Variants in ADK observed in about 807,000 individuals in gnomAD.
The protein encoded by ADK is adenosine kinase, also known as N6,N6-dimethyladenosine kinase.
Under a neutral mutation model 44.7 loss-of-function variants are expected in ADK, and 24 were observed. That is an observed-to-expected ratio of 0.54 (90% CI 0.39 to 0.76). ADK has a LOEUF of 0.76. ADK is among the 30% of genes least tolerant of loss of function. The pLI is 0.00. For synonymous variants in ADK, 128 were observed against 142.6 expected (o/e 0.90, Z 0.73); for missense variants, 321 against 425.1 (o/e 0.76, Z 2.15).
At chr10:74,220,425 G>A (rs1450631262) in intron 2 of ADK, among the ~76,000 whole-genome samples, 9 of 151,962 alleles carry the variant, frequency 5.9e-5, no homozygotes, top group African/African-American at 9.7e-5. Context: ...ATTCACAGCC[G>A]AATTCTACCA....
At chr10:74,325,020 A>G (rs1001204781) in intron 4 of ADK, among the ~76,000 whole-genome samples, 1 of 152,034 alleles carries the variant, frequency 6.6e-6, no homozygotes, top group African/African-American at 2.4e-5. Flanking sequence ...TTTTTTTTCT[A>G]TTTCTATGAA....
At chr10:74,445,776 G>A (rs1845569170) in intron 6 of ADK, among the ~76,000 whole-genome samples, 1 of 152,096 alleles carries the variant, frequency 6.6e-6, no homozygotes, top group East Asian at 1.9e-4. Flanking sequence ...GCAAGTAATT[G>A]TTTACTGAGA....
chr10:74,522,697 T>G (rs1211396571), intron 6 of ADK, among the ~76,000 whole-genome samples: 1 of 152,170 alleles, frequency 6.6e-6, no homozygotes, highest in Admixed American at 6.5e-5. Context: ...GGTCCCTCAG[T>G]TATAAGTGAA....
chr10:74,243,660 C>T (rs978630711), intron 3 of ADK, among the ~76,000 whole-genome samples: 1 of 152,056 alleles, frequency 6.6e-6, no homozygotes, highest in Non-Finnish European at 1.5e-5. Context: ...GCCAGGAGTT[C>T]GAGACCAGCC....
At chr10:74,307,110 A>G (rs937977893) in intron 3 of ADK, among the ~76,000 whole-genome samples, 1 of 151,946 alleles carries the variant, frequency 6.6e-6, no homozygotes, top group African/African-American at 2.4e-5. Context: ...CCCAAACCCC[A>G]GTGGAAATGT....
chr10:74,319,266 A>G (rs1333751048), intron 4 of ADK, among the ~76,000 whole-genome samples: 1 of 152,226 alleles, frequency 6.6e-6, no homozygotes. Context: ...TAGCAATTTC[A>G]GAGACTAGGT....
intron 3 of ADK, among the ~76,000 whole-genome samples, chr10:74,296,796 A>G (rs1489237130): frequency 6.6e-6 from 1 of 151,728 alleles, no homozygotes; most frequent in Non-Finnish European, 1.5e-5. Context: ...TTGTATTTTT[A>G]GTAGAGACGG....
intron 4 of ADK, among the ~76,000 whole-genome samples, chr10:74,345,507 T>A (rs1841735474): frequency 6.6e-6 from 1 of 152,098 alleles, no homozygotes; most frequent in South Asian, 2.1e-4. Context: ...GAGGTCTCAC[T>A]GTATTGTCCA....
intron 8 of ADK, among the ~76,000 whole-genome samples, chr10:74,589,666 G>A (rs765832750): frequency 6.6e-6 from 1 of 152,082 alleles, no homozygotes; most frequent in Non-Finnish European, 1.5e-5. Flanking sequence ...CATTTCATAA[G>A]GATTCACTGC....
At chr10:74,283,387 G>A (rs1366255167) in intron 3 of ADK, among the ~76,000 whole-genome samples, 43 of 150,976 alleles carry the variant, frequency 2.8e-4, no homozygotes, top group Non-Finnish European at 6.0e-4. Context: ...TGGCATGCTC[G>A]GTTATTTCAG....
At chr10:74,411,862 A>G (rs1844189282) in intron 6 of ADK, among the ~76,000 whole-genome samples, 1 of 152,220 alleles carries the variant, frequency 6.6e-6, no homozygotes, top group African/African-American at 2.4e-5. Flanking sequence ...ATGTTTATGC[A>G]GTATTCTGAA....
intron 10 of ADK, among the ~76,000 whole-genome samples, chr10:74,695,953 C>A (rs12356350): frequency 6.6e-6 from 1 of 151,768 alleles, no homozygotes; most frequent in East Asian, 1.9e-4. Flanking sequence ...CTTTACAATT[C>A]TTAAATTTTT....
At chr10:74,538,602 G>T (rs1949896603) in intron 7 of ADK, among the ~76,000 whole-genome samples, 1 of 152,110 alleles carries the variant, frequency 6.6e-6, no homozygotes, top group South Asian at 2.1e-4. Context: ...CATTTTGAAA[G>T]AAAATATAAA....
chr10:74,703,227 A>G (rs1468610021), intron 10 of ADK, among the ~76,000 whole-genome samples: 3 of 152,198 alleles, frequency 2.0e-5, no homozygotes, highest in Admixed American at 1.3e-4. Context: ...CACACCTGTA[A>G]TCCCAGCACT....
intron 2 of ADK, among the ~76,000 whole-genome samples, chr10:74,211,209 A>G (rs1369658367): frequency 6.6e-6 from 1 of 152,052 alleles, no homozygotes; most frequent in Non-Finnish European, 1.5e-5. Context: ...TTATAAAGCT[A>G]TTGCCATATT....
At chr10:74,692,004 C>T (rs192071984) in intron 10 of ADK, among the ~76,000 whole-genome samples, 62 of 152,270 alleles carry the variant, frequency 4.1e-4, no homozygotes, top group African/African-American at 1.3e-3. Context: ...TATGATCTAG[C>T]GATCAGGCTC....
chr10:74,270,889 T>A (rs1846406062), intron 3 of ADK, among the ~76,000 whole-genome samples: 1 of 152,196 alleles, frequency 6.6e-6, no homozygotes, highest in Non-Finnish European at 1.5e-5. Context: ...AAGGCAGCAA[T>A]TTGGATTCCA....
chr10:74,160,259 G>T (rs1402689926), intron 1 of ADK, among the ~76,000 whole-genome samples: 1 of 152,112 alleles, frequency 6.6e-6, no homozygotes, highest in Non-Finnish European at 1.5e-5. Context: ...CCAGAAGTTA[G>T]CGTCCCTTTT....
intron 8 of ADK, among the ~76,000 whole-genome samples, chr10:74,594,485 T>A (rs1031651865): frequency 4.0e-5 from 6 of 151,838 alleles, no homozygotes; most frequent in African/African-American, 1.2e-4. Flanking sequence ...CATATTTTTT[T>A]AAAATATGAC....
Sources: gnomAD v4.1 joint callset for allele counts (sites outside exome capture counted in the v4.1 genomes callset) on GRCh38, gnomAD v4.1.1 for gene constraint, MANE v1.5 for transcripts, NCBI Gene and HGNC (gene_info 2026-07-23, HGNC 2026-07-21) for gene names.